The following PRDM16 variants were observed in gnomAD, a reference collection of about 807,000 sequenced individuals.
PRDM16 encodes the protein histone-lysine N-methyltransferase PRDM16.
Under a neutral mutation model 110.6 loss-of-function variants are expected in PRDM16, and 23 were observed. The ratio of observed to expected loss-of-function variants is 0.21; its 90% CI spans 0.15 to 0.29. The LOEUF (loss-of-function observed/expected upper bound fraction) is 0.29, where lower values mean the gene tolerates loss of function less well. Ranked by LOEUF, PRDM16 falls within the 10% of genes least tolerant of loss-of-function variation. The pLI is 1.00. For synonymous variants in PRDM16, 799 were observed against 781.8 expected (o/e 1.02, Z -0.37); for missense variants, 1,615 against 1,794.3 (o/e 0.90, Z 1.81).
At chr1:3,260,824 C>T (rs61151413) in intron 3 of PRDM16, among the ~76,000 whole-genome samples, 1,336 of 64,416 alleles carry the variant, frequency 0.021, 26 homozygotes, top group African/African-American at 0.072. Flanking sequence ...TTGATGATGA[C>T]GATGATGATG....
At chr1:3,386,650 TAAA>T (rs1224277105) in intron 4 of PRDM16, 1 of 152,214 alleles carries the variant, frequency 6.6e-6, no homozygotes, top group Non-Finnish European at 1.5e-5. Flanking sequence ...GAGCAGAACT[TAAA>T]AAAATTTTTT....
In PRDM16 at chr1:3,243,958, G is replaced by A. The variant is rs1365691362; in HGVS notation, c.388-129G>A. On this transcript the variant is annotated intron_variant, in intron 2 of 16. Coordinates refer to ENST00000270722, the MANE Select transcript of PRDM16 (RefSeq NM_022114.4). The surrounding 1 kb of genome is among the most constrained non-coding windows in gnomAD (Gnocchi z 5.5). ...TCAATGGAACCCTTCATTTCCTGCT[G>A]TGGAGAAGCCACTGGGTCCCACCCT... The A allele has an allele frequency of 3.6e-6, 3 of 844,828 alleles. No homozygotes were observed. In the South Asian group the frequency reaches 4.4e-5, roughly 13 times the overall value. The allele number at this position is 844,828 out of a possible 1,614,324, so 52.3% of individuals were successfully genotyped here.
In PRDM16 at chr1:3,244,939, A is replaced by AT. The variant is rs1045315518; in HGVS notation, c.438+808dup. Among the ~76,000 whole-genome samples the AT allele has an allele frequency of 2.0e-5, 3 of 151,866 alleles. No individual in the cohort carries two copies. The highest frequency in any genetic ancestry group is 7.3e-5 in the African/African-American group (3 of 41,306). ...GCTCACACGTGGTGGCTGATCTCCT[A>AT]TTTTTTGGGGGGGGGTTTCTAGTAA... On this transcript the variant is annotated intron_variant, in intron 3 of 16. Transcript: ENST00000270722. The surrounding 1 kb of genome is among the most constrained non-coding windows in gnomAD (Gnocchi z 4.1).
chr1:3,181,781 CAGTCTTACACAT>C (rs1644205515), intron 1 of PRDM16, among the ~76,000 whole-genome samples: 1 of 128,936 alleles, frequency 7.8e-6, no homozygotes, highest in African/African-American at 3.1e-5. Context: ...CTTACACATG[CAGTCTTACACAT>C]GCAGTCTTAC....
chr1:3,435,506 C>A lies in PRDM16; in HGVS notation c.*1695C>A. 1 of 230,300 alleles carries A rather than the reference C, an allele frequency of 4.3e-6. No homozygotes were observed. The highest frequency in any genetic ancestry group is 8.6e-6 in the Non-Finnish European group (1 of 116,460). 14.3% of individuals were successfully genotyped at this position (230,300 alleles called of 1,614,324 possible). A position where few individuals can be genotyped will look rare whatever the true frequency, so the allele number is the denominator to read the frequency against. The stretch of plus-strand genomic sequence containing the variant: ...GTTTCAGTTACATTTGCATTTAAGA[C>A]AAGTGTTCTATTTATTTCTTGTATT... On this transcript the variant is annotated 3_prime_UTR_variant, in exon 17 of 17. Transcript: ENST00000270722.
intron 3 of PRDM16, among the ~76,000 whole-genome samples, chr1:3,354,621 C>T (rs745985112): frequency 6.6e-6 from 1 of 152,162 alleles, no homozygotes; most frequent in Non-Finnish European, 1.5e-5. Context: ...CTTCTCCAGG[C>T]TGGGGTGTCT....
At chr1:3,300,556 C>T (rs1641186410) in intron 3 of PRDM16, among the ~76,000 whole-genome samples, 1 of 152,216 alleles carries the variant, frequency 6.6e-6, no homozygotes, top group Admixed American at 6.5e-5. Flanking sequence ...TTTCCAGCCT[C>T]AGGAGCACAT....
intron 2 of PRDM16, among the ~76,000 whole-genome samples, chr1:3,236,052 G>A (rs1204579554): frequency 6.6e-6 from 1 of 152,202 alleles, no homozygotes; most frequent in Non-Finnish European, 1.5e-5. Flanking sequence ...ATAGCATGGC[G>A]GGGGCAGTAT....
intron 8 of PRDM16, among the ~76,000 whole-genome samples, chr1:3,410,214 CAA>C (rs999113978): frequency 1.8e-4 from 27 of 151,948 alleles, no homozygotes; most frequent in African/African-American, 3.6e-4. Context: ...CTTAGAAAAA[CAA>C]GAGGCAAAAG....
At chr1:3,274,706 A>C (rs1415942945) in intron 3 of PRDM16, among the ~76,000 whole-genome samples, 1 of 152,150 alleles carries the variant, frequency 6.6e-6, no homozygotes, top group Non-Finnish European at 1.5e-5. Context: ...CTCTGTCTGC[A>C]CAAAGTCGCT....
chr1:3,314,212 G>A lies in PRDM16; in HGVS notation c.438+70075G>A, dbSNP rs147756005. On this transcript the variant is annotated intron_variant, in intron 3 of 16. Coordinates refer to ENST00000270722, the MANE Select transcript of PRDM16 (RefSeq NM_022114.4). The stretch of plus-strand genomic sequence containing the variant: ...AAGGTTCTCCCACGTGGTGGGGGAG[G>A]ACCGACCTTTAGGGACAGGACCGGT... 7.7e-3 allele frequency among the ~76,000 whole-genome samples: 1,176 copies of A among 152,178 alleles called. 19 individuals are homozygous for A. Among genetic ancestry groups the A allele is most frequent in the African/African-American group, 0.027 (1,111 of 41,500 alleles).
chr1:3,410,485 CA>C (rs1201668930), intron 8 of PRDM16, among the ~76,000 whole-genome samples: 1 of 152,184 alleles, frequency 6.6e-6, no homozygotes, highest in Non-Finnish European at 1.5e-5. Context: ...ACCTCCTATC[CA>C]TGTCCACCTC....
At chr1:3,334,006 G>A (rs1642095808) in intron 3 of PRDM16, among the ~76,000 whole-genome samples, 2 of 152,194 alleles carry the variant, frequency 1.3e-5, no homozygotes, top group African/African-American at 4.8e-5. Flanking sequence ...TCTTTACCCA[G>A]CCTCAGGTGT....
chr1:3,195,956 C>T (rs1236357308), intron 2 of PRDM16, among the ~76,000 whole-genome samples: 1 of 152,202 alleles, frequency 6.6e-6, no homozygotes, highest in Admixed American at 6.5e-5. Context: ...ACACTGGGAC[C>T]CTCCCAGCTG....
intron 10 of PRDM16, among the ~76,000 whole-genome samples, chr1:3,417,216 G>A (rs978225660): frequency 1.3e-5 from 2 of 152,160 alleles, no homozygotes; most frequent in Admixed American, 6.5e-5. Context: ...TTATTATTTT[G>A]AATATTTCCT....
At chr1:3,306,135 A>G (rs1470669834) in intron 3 of PRDM16, among the ~76,000 whole-genome samples, 3 of 152,210 alleles carry the variant, frequency 2.0e-5, no homozygotes, top group Non-Finnish European at 2.9e-5. Context: ...GCAAGGGGGA[A>G]GTACTCACTG....
intron 3 of PRDM16, among the ~76,000 whole-genome samples, chr1:3,374,754 C>T (rs2100584889): frequency 6.6e-6 from 1 of 152,338 alleles, no homozygotes; most frequent in South Asian, 2.1e-4. Flanking sequence ...CTGGTTCGTC[C>T]CTTCGGGGGT....
Position 3,405,569 on chromosome 1 carries a change from C to T in PRDM16, c.1107C>T (p.Pro369=), listed in dbSNP as rs1424955508. Residue 369 remains proline, a synonymous_variant, in exon 8 of 17, where the codon CCC becomes CCT. Coordinates refer to ENST00000270722, the MANE Select transcript of PRDM16 (RefSeq NM_022114.4). ...QHVGARAHAC[P]DCGKTFATSS... is the part of the protein sequence containing the mutation. ...TGGGCGCTCGGGCCCACGCCTGCCCCGACTGCGGGAAGACCTTCGCCACGT... is the reference window on the plus strand; with the variant it reads ...TGGGCGCTCGGGCCCACGCCTGCCCTGACTGCGGGAAGACCTTCGCCACGT... The T allele has an allele frequency of 8.1e-6, 13 of 1,611,226 alleles. No individual in the cohort carries two copies. The highest frequency in any genetic ancestry group is 3.3e-5 in the South Asian group (3 of 90,880).
intron 1 of PRDM16, among the ~76,000 whole-genome samples, chr1:3,137,687 G>T (rs1643468599): frequency 6.6e-6 from 1 of 152,248 alleles, no homozygotes; most frequent in Non-Finnish European, 1.5e-5. Flanking sequence ...TGGGAGTCAG[G>T]TTTCCTACCA....
Sources: gnomAD v4.1 joint callset for allele counts (sites outside exome capture counted in the v4.1 genomes callset) on GRCh38, gnomAD v4.1.1 for gene constraint, Gnocchi (gnomAD v3.1) non-coding constraint, MANE v1.5 for transcripts, NCBI Gene and HGNC (gene_info 2026-07-23, HGNC 2026-07-21) for gene names.